The following ZNF382 variants were observed in gnomAD, a reference collection of about 807,000 sequenced individuals.
The protein encoded by ZNF382 is zinc finger protein 382, also known as KRAB/zinc finger suppressor protein 1.
In ZNF382, 20 loss-of-function variants were observed where a neutral mutation model predicts 38.8. The observed-to-expected ratio is 0.51, with a 90% CI of 0.36 to 0.75. The LOEUF (loss-of-function observed/expected upper bound fraction) is 0.75. Among genes scored for constraint, ZNF382 ranks in the 30% least tolerant of loss-of-function variants. ZNF382 has a pLI of 0.00. For missense variants in ZNF382, 546 were observed against 654.1 expected (o/e 0.83, Z 1.80); for synonymous variants, 202 against 223.1 (o/e 0.91, Z 0.84).
Position 36,621,264 on chromosome 19 carries a change from A to G in ZNF382, c.233-4866A>G, listed in dbSNP as rs564579457. Among the ~76,000 whole-genome samples, 7 of 149,422 alleles carry G rather than the reference A, an allele frequency of 4.7e-5. No individual in the cohort carries two copies. The East Asian group carries it at 1.4e-3, about 29-fold the overall frequency. ...ATTGACAGCTTCCAAAATGAGAGCC[A>G]TATCATTTCAGGTGTGGGCTACTGT... is the stretch of plus-strand genomic sequence containing the variant. On this transcript the variant is annotated intron_variant, in intron 4 of 4. Transcript: ENST00000292928.
intron 4 of ZNF382, among the ~76,000 whole-genome samples, chr19:36,617,356 C>T (rs548647576): frequency 2.4e-4 from 36 of 152,264 alleles, no homozygotes; most frequent in Non-Finnish European, 5.1e-4. Flanking sequence ...AGAGTATGCT[C>T]AGAATCTAAG....
intron 4 of ZNF382, among the ~76,000 whole-genome samples, chr19:36,625,007 G>T (rs1398404657): frequency 4.7e-5 from 7 of 148,300 alleles, no homozygotes; most frequent in Admixed American, 2.8e-4. Context: ...GATCAAGGCT[G>T]CAGTGAGCCA....
In ZNF382 at chr19:36,627,713, T is replaced by A; in HGVS notation, c.*163T>A. On this transcript the variant is annotated 3_prime_UTR_variant, in exon 5 of 5. Transcript: ENST00000292928. ...ACACACACACACACACACACACAAA[T>A]ATTATTAGACAAATTAGATGACAAA... 1 of 497,544 alleles carries A rather than the reference T, an allele frequency of 2.0e-6. No individual in the cohort carries two copies. The allele number at this position is 497,544 out of a possible 1,614,324, so 30.8% of individuals were successfully genotyped here.
intron 1 of ZNF382, among the ~76,000 whole-genome samples, chr19:36,606,308 G>A (rs979923884): frequency 8.8e-6 from 1 of 114,136 alleles, no homozygotes; most frequent in Non-Finnish European, 1.8e-5. Flanking sequence ...GGACATGCAG[G>A]AAATTTTTTT....
intron 4 of ZNF382, among the ~76,000 whole-genome samples, chr19:36,617,648 A>C (rs2037135904): frequency 6.6e-6 from 1 of 152,180 alleles, no homozygotes; most frequent in South Asian, 2.1e-4. Context: ...AGAATGGGCC[A>C]ACTCTGAATA....
chr19:36,608,982 A>G (rs2037056067), intron 2 of ZNF382: 1 of 152,180 alleles, frequency 6.6e-6, no homozygotes, highest in Non-Finnish European at 1.5e-5. Context: ...ATTTCTAACC[A>G]TGGTTACTTA....
chr19:36,614,905 TTTCCTTTCC>T (rs2037109283), intron 4 of ZNF382, among the ~76,000 whole-genome samples: 1 of 69,224 alleles, frequency 1.4e-5, no homozygotes. Flanking sequence ...TTTCCTTTCC[TTTCCTTTCC>T]TTCCCTTTCC....
Position 36,626,404 on chromosome 19 carries a change from A to G in ZNF382, c.507A>G (p.Lys169=). 6.3e-7 allele frequency: 1 copy of G among 1,599,362 alleles called. No homozygotes were observed. Among genetic ancestry groups the G allele is most frequent in the Non-Finnish European group, 8.5e-7 (1 of 1,175,502 alleles). The part of the protein sequence containing the change: ...EKFGDSTGWE[K]SLLNTKHEKI... ...TTGGTGACAGTACTGGATGGGAGAA[A>G]TCACTCCTCAATACCAAGCATGAGA... The change falls in exon 5 of 5, where the codon AAA becomes AAG. Residue 169 remains lysine, a synonymous_variant. Coordinates refer to ENST00000292928, the MANE Select transcript of ZNF382 (RefSeq NM_032825.5).
intron 4 of ZNF382, among the ~76,000 whole-genome samples, chr19:36,612,722 A>C (rs894306498): frequency 3.9e-5 from 6 of 152,228 alleles, no homozygotes; most frequent in Non-Finnish European, 5.9e-5. Flanking sequence ...AATAATGTTG[A>C]AAACTTTTTC....
In ZNF382 at chr19:36,609,950, G is replaced by A. The variant is rs771281158; in HGVS notation, c.36G>A (p.Val12=). Reference sequence around the variant, plus strand: ...AGGGATCAGTGTCATTCAAGGATGTGACTGTGGACTTCACCCAGGAGGAGT... The same window carrying A: ...AGGGATCAGTGTCATTCAAGGATGTAACTGTGGACTTCACCCAGGAGGAGT... The part of the protein sequence containing the change: ...PLQGSVSFKD[V]TVDFTQEEWQ... The change falls in exon 3 of 5, where the codon GTG becomes GTA. Residue 12 remains valine, a synonymous_variant. Coordinates refer to ENST00000292928, the MANE Select transcript of ZNF382 (RefSeq NM_032825.5). 4 of 1,613,984 alleles carry A rather than the reference G, an allele frequency of 2.5e-6. No homozygotes were observed. In the South Asian group the frequency reaches 4.4e-5, roughly 18 times the overall value.
chr19:36,609,134 A>G (rs1441558766), intron 2 of ZNF382: 2 of 152,260 alleles, frequency 1.3e-5, no homozygotes, highest in African/African-American at 4.8e-5. Context: ...AAAGTAGGGC[A>G]TGCCTCACAG....
intron 4 of ZNF382, among the ~76,000 whole-genome samples, chr19:36,612,389 A>G (rs1225072628): frequency 6.6e-6 from 1 of 152,224 alleles, no homozygotes; most frequent in African/African-American, 2.4e-5. Flanking sequence ...GTTTAGACCT[A>G]TTATGAACAA....
At chr19:36,614,027 C>T (rs2037100489) in intron 4 of ZNF382, among the ~76,000 whole-genome samples, 2 of 152,082 alleles carry the variant, frequency 1.3e-5, no homozygotes, top group Non-Finnish European at 2.9e-5. Flanking sequence ...AGCGTAAGTC[C>T]TCTAACTTTA....
At chr19:36,607,045 C>A (rs1440288324) in intron 1 of ZNF382, among the ~76,000 whole-genome samples, 6 of 150,068 alleles carry the variant, frequency 4.0e-5, no homozygotes, top group Admixed American at 2.7e-4. Flanking sequence ...CCATTGCACT[C>A]CAGCCTGGGC....
intron 4 of ZNF382, among the ~76,000 whole-genome samples, chr19:36,614,575 C>G (rs2037105816): frequency 6.6e-6 from 1 of 152,104 alleles, no homozygotes; most frequent in African/African-American, 2.4e-5. Context: ...GTATAGAAAT[C>G]TTACATATTG....
At chr19:36,619,426 G>A (rs1406984093) in intron 4 of ZNF382, among the ~76,000 whole-genome samples, 1 of 152,162 alleles carries the variant, frequency 6.6e-6, no homozygotes, top group Non-Finnish European at 1.5e-5. Context: ...TTGCTCTTCC[G>A]GAGGTCCAGT....
rs926732835 is a variant in ZNF382, at chr19:36,627,758, CTTTT to C, written c.*214_*217del. Reference sequence around the variant, plus strand: ...GACAAAAATCATTAAGAAGTCCAAACTTTTTTTTTATTACTAGCTTCAGCAGACA... The same window carrying C: ...GACAAAAATCATTAAGAAGTCCAAACTTTTTATTACTAGCTTCAGCAGACA... On this transcript the variant is annotated 3_prime_UTR_variant, in exon 5 of 5. Coordinates refer to ENST00000292928, the MANE Select transcript of ZNF382 (RefSeq NM_032825.5). 1.1e-5 allele frequency: 5 copies of C among 470,146 alleles called. No individual in the cohort carries two copies. The highest frequency in any genetic ancestry group is 9.8e-5 in the African/African-American group (5 of 50,858). 29.1% of individuals were successfully genotyped at this position (470,146 alleles called of 1,614,324 possible).
chr19:36,621,591 T>TACAC (rs34609656), intron 4 of ZNF382, among the ~76,000 whole-genome samples: 7,210 of 145,238 alleles, frequency 0.05, 311 homozygotes, highest in African/African-American at 0.12. Context: ...TAGAAAAAAA[T>TACAC]ACACACACAC....
chr19:36,627,107 G>A lies in ZNF382; in HGVS notation c.1210G>A (p.Gly404Arg). 1.2e-6 allele frequency: 2 copies of A among 1,614,150 alleles called. No individual in the cohort carries two copies. Among genetic ancestry groups the A allele is most frequent in the Non-Finnish European group, 1.7e-6 (2 of 1,180,036 alleles). The change falls in exon 5 of 5, where the codon GGA becomes AGA. Residue 404 changes from glycine (G) to arginine (R), a missense_variant. Transcript: ENST00000292928. ...YLIDHQRTHT[G>R]EKPYQCNECG... The stretch of plus-strand genomic sequence containing the variant: ...CATTGATCACCAGAGAACTCACACA[G>A]GAGAGAAACCGTATCAGTGTAATGA...
Sources: gnomAD v4.1 joint callset for allele counts (sites outside exome capture counted in the v4.1 genomes callset) on GRCh38, gnomAD v4.1.1 for gene constraint, MANE v1.5 for transcripts, NCBI Gene and HGNC (gene_info 2026-07-23, HGNC 2026-07-21) for gene names.